Variants in PLCB1 observed in about 807,000 individuals in gnomAD.
The protein encoded by PLCB1 is 1-phosphatidylinositol 4,5-bisphosphate phosphodiesterase beta-1.
PLCB1 carries 46 observed loss-of-function variants against 161.8 expected under a neutral mutation model. That is an observed-to-expected ratio of 0.28 (90% CI 0.22 to 0.36). The LOEUF is 0.36. Among genes scored for constraint, PLCB1 ranks in the 10% least tolerant of loss-of-function variants. The pLI, the probability that PLCB1 is intolerant of heterozygous loss-of-function variation, is 1.00. For synonymous variants in PLCB1, 517 were observed against 503.7 expected (o/e 1.03, Z -0.35); for missense variants, 1,016 against 1,472.5 (o/e 0.69, Z 5.07).
chr20:8,267,759 A>T (rs1982046062), intron 2 of PLCB1, among the ~76,000 whole-genome samples: 1 of 152,108 alleles, frequency 6.6e-6, no homozygotes. Flanking sequence ...TGGGGTTCAA[A>T]TACTCTCTAG....
chr20:8,640,132 T>G (rs986788908), intron 4 of PLCB1, among the ~76,000 whole-genome samples: 2 of 152,222 alleles, frequency 1.3e-5, no homozygotes, highest in Non-Finnish European at 2.9e-5. Context: ...TAAAACAAAT[T>G]TATTTCCAAA....
At chr20:8,494,864 CA>C (rs1032925330) in intron 3 of PLCB1, among the ~76,000 whole-genome samples, 1 of 152,062 alleles carries the variant, frequency 6.6e-6, no homozygotes, top group African/African-American at 2.4e-5. Context: ...TTATGTAAAA[CA>C]CAAATGATAC....
intron 3 of PLCB1, among the ~76,000 whole-genome samples, chr20:8,592,651 T>C (rs1987185452): frequency 6.6e-6 from 1 of 152,174 alleles, no homozygotes; most frequent in African/African-American, 2.4e-5. Flanking sequence ...ATTTTGACGG[T>C]GACTCGTCAC....
In PLCB1 at chr20:8,329,760, A is replaced by T. The variant is rs566142087; in HGVS notation, c.178-41622A>T. 4.6e-5 allele frequency among the ~76,000 whole-genome samples: 7 copies of T among 152,176 alleles called. No homozygotes were observed. The South Asian group carries it at 1.5e-3, about 32-fold the overall frequency. ...GACGTGGGCTGTGGTTTGCTTTTAG[A>T]GTTTGCTTCAGAGTCCACCTATGCA... On this transcript the variant is annotated intron_variant, in intron 2 of 31. Coordinates refer to ENST00000338037, the MANE Select transcript of PLCB1 (RefSeq NM_015192.4).
At chr20:8,600,497 C>G (rs1409159590) in intron 3 of PLCB1, among the ~76,000 whole-genome samples, 1 of 150,316 alleles carries the variant, frequency 6.7e-6, no homozygotes, top group Non-Finnish European at 1.5e-5. Flanking sequence ...CCACTGCTCT[C>G]TTCAAAGCTC....
chr20:8,781,435 CACACACACACACAA>C, intron 27 of PLCB1, among the ~76,000 whole-genome samples: 1 of 91,990 alleles, frequency 1.1e-5, no homozygotes, highest in Non-Finnish European at 2.4e-5. Flanking sequence ...CACACACACA[CACACACACACACAA>C]AGATCCAAAT....
At position 8,883,286 on chromosome 20, in the gene PLCB1, A is replaced by G. The variant is rs1988059526; in HGVS notation, c.*1437A>G. 6.6e-6 allele frequency: 1 copy of G among 152,126 alleles called. No homozygotes were observed. Among genetic ancestry groups the G allele is most frequent in the Non-Finnish European group, 1.5e-5 (1 of 68,006 alleles). 9.4% of individuals were successfully genotyped at this position (152,126 alleles called of 1,614,324 possible). On this transcript the variant is annotated 3_prime_UTR_variant, in exon 32 of 32. Coordinates refer to ENST00000338037, the MANE Select transcript of PLCB1 (RefSeq NM_015192.4). ...AAAAAACTTCCATTATATATTTACTAAGTATATTTAATTCACTTAACTCTG... is the reference window on the plus strand; with the variant it reads ...AAAAAACTTCCATTATATATTTACTGAGTATATTTAATTCACTTAACTCTG...
chr20:8,436,445 A>C (rs1461953672), intron 3 of PLCB1, among the ~76,000 whole-genome samples: 6 of 143,686 alleles, frequency 4.2e-5, no homozygotes, highest in Non-Finnish European at 3.0e-5. Context: ...GAAAAAAAAA[A>C]CAAGACAACA....
intron 31 of PLCB1, among the ~76,000 whole-genome samples, chr20:8,822,501 G>A (rs16995286): frequency 0.05 from 7,578 of 152,152 alleles, 594 homozygotes; most frequent in African/African-American, 0.17. Context: ...AGGATTCTGG[G>A]CATTTTTCTT....
intron 3 of PLCB1, among the ~76,000 whole-genome samples, chr20:8,588,664 C>A (rs372732538): frequency 6.6e-6 from 1 of 152,116 alleles, no homozygotes; most frequent in Admixed American, 6.6e-5. Flanking sequence ...CAGCTATCTG[C>A]AGAACAAGGA....
At chr20:8,704,395 C>T (rs1400015473) in intron 11 of PLCB1, among the ~76,000 whole-genome samples, 2 of 151,824 alleles carry the variant, frequency 1.3e-5, no homozygotes, top group African/African-American at 2.4e-5. Flanking sequence ...AGACTAATTA[C>T]ACTTTTATTT....
At chr20:8,682,047 T>C (rs1990235038) in intron 9 of PLCB1, among the ~76,000 whole-genome samples, 1 of 152,146 alleles carries the variant, frequency 6.6e-6, no homozygotes, top group African/African-American at 2.4e-5. Context: ...CGGTGAGCTC[T>C]TTGAAGGCAG....
chr20:8,821,901 T>C (rs2146265565), intron 31 of PLCB1, among the ~76,000 whole-genome samples: 1 of 152,178 alleles, frequency 6.6e-6, no homozygotes, highest in South Asian at 2.1e-4. Context: ...GAACCATGCT[T>C]CTCCTGTTTC....
intron 27 of PLCB1, among the ~76,000 whole-genome samples, chr20:8,782,503 C>T (rs1406869702): frequency 6.6e-6 from 1 of 152,094 alleles, no homozygotes; most frequent in African/African-American, 2.4e-5. Flanking sequence ...AGTGGTCCTC[C>T]TACCTCAGCC....
chr20:8,670,980 T>C (rs1174738054), intron 9 of PLCB1, among the ~76,000 whole-genome samples: 1 of 152,204 alleles, frequency 6.6e-6, no homozygotes, highest in East Asian at 1.9e-4. Flanking sequence ...CTGGTAGCTT[T>C]CCAGTATGCT....
intron 7 of PLCB1, 63 bp from the exon 8 acceptor site, chr20:8,657,120 CA>C (rs1989483609): frequency 1.1e-6 from 1 of 870,776 alleles, no homozygotes; most frequent in African/African-American, 1.7e-5. Context: ...AGAGAAAAAA[CA>C]GGGAGGGAGG....
chr20:8,644,556 C>A (rs1365271555), intron 4 of PLCB1, among the ~76,000 whole-genome samples: 2 of 144,752 alleles, frequency 1.4e-5, no homozygotes, highest in Non-Finnish European at 3.0e-5. Context: ...ACCCTCCGCC[C>A]GGCAGCCGCC....
intron 31 of PLCB1, chr20:8,802,461 G>A (rs1984330749): frequency 1.1e-5 from 4 of 352,498 alleles, no homozygotes. Flanking sequence ...TGGCAAATTT[G>A]GCTTCCTTTT....
chr20:8,704,438 A>T (rs1978550400), intron 11 of PLCB1, among the ~76,000 whole-genome samples: 1 of 152,200 alleles, frequency 6.6e-6, no homozygotes, highest in Admixed American at 6.5e-5. Flanking sequence ...TGTAATGTTT[A>T]TTGGAAATTT....
Sources: gnomAD v4.1 joint callset for allele counts (sites outside exome capture counted in the v4.1 genomes callset) on GRCh38, gnomAD v4.1.1 for gene constraint, MANE v1.5 for transcripts, NCBI Gene and HGNC (gene_info 2026-07-23, HGNC 2026-07-21) for gene names.